ASIC2: variants seen among roughly 807,000 people sequenced by gnomAD.
ASIC2 encodes acid sensing ion channel subunit 2, also known as acid-sensing ion channel 2.
A neutral mutation model predicts 57.3 loss-of-function variants in ASIC2; 25 were observed. The ratio of observed to expected loss-of-function variants is 0.44; its 90% CI spans 0.32 to 0.61. The LOEUF is 0.61. Among genes scored for constraint, ASIC2 ranks in the 20% least tolerant of loss-of-function variants. ASIC2 has a pLI of 0.06. For missense variants in ASIC2, 641 were observed against 738.1 expected (o/e 0.87, Z 1.52); for synonymous variants, 319 against 307.5 (o/e 1.04, Z -0.39).
chr17:33,343,473 A>G (rs1597691191), intron 1 of ASIC2, among the ~76,000 whole-genome samples: 1 of 151,996 alleles, frequency 6.6e-6, no homozygotes, highest in Middle Eastern at 3.2e-3. Context: ...TGGCTTCCTC[A>G]CTTTATTACT....
At chr17:33,187,616 T>C (rs1432054891) in intron 1 of ASIC2, among the ~76,000 whole-genome samples, 1 of 152,130 alleles carries the variant, frequency 6.6e-6, no homozygotes, top group African/African-American at 2.4e-5. Flanking sequence ...CTGTCTCAAC[T>C]GTTTAAGTCT....
At chr17:33,888,082 T>G (rs1489512714) in intron 1 of ASIC2, among the ~76,000 whole-genome samples, 3 of 152,172 alleles carry the variant, frequency 2.0e-5, no homozygotes, top group African/African-American at 7.2e-5. Flanking sequence ...ATGCATTTTT[T>G]ACTTACAATA....
At chr17:34,079,147 T>C (rs1179250599) in intron 1 of ASIC2, 1 of 152,218 alleles carries the variant, frequency 6.6e-6, no homozygotes, top group Non-Finnish European at 1.5e-5. Context: ...TAAAATGCAA[T>C]TCTGATCATG....
At chr17:33,662,085 A>C (rs1907286298) in intron 1 of ASIC2, among the ~76,000 whole-genome samples, 1 of 152,166 alleles carries the variant, frequency 6.6e-6, no homozygotes, top group African/African-American at 2.4e-5. Context: ...TTCTATGTAT[A>C]TCGTTTAATC....
At chr17:33,118,435 G>T (rs1056735413) in intron 1 of ASIC2, among the ~76,000 whole-genome samples, 2 of 152,198 alleles carry the variant, frequency 1.3e-5, no homozygotes, top group African/African-American at 4.8e-5. Flanking sequence ...AGGAGCCAGG[G>T]TGAAATCACT....
intron 1 of ASIC2, among the ~76,000 whole-genome samples, chr17:33,166,077 C>T (rs1175932987): frequency 6.6e-6 from 1 of 152,202 alleles, no homozygotes; most frequent in Non-Finnish European, 1.5e-5. Flanking sequence ...CTCATTCCAA[C>T]CTGGACTGAA....
At chr17:33,355,143 G>T (rs111863498) in intron 1 of ASIC2, among the ~76,000 whole-genome samples, 9 of 152,260 alleles carry the variant, frequency 5.9e-5, no homozygotes, top group African/African-American at 1.2e-4. Flanking sequence ...GACCAGCCTG[G>T]CTAACATGGT....
chr17:33,506,238 C>CAAAAAAAAAA (rs533194191), intron 1 of ASIC2, among the ~76,000 whole-genome samples: 2 of 114,092 alleles, frequency 1.8e-5, no homozygotes, highest in East Asian at 2.8e-4. Flanking sequence ...ACTAAAAATA[C>CAAAAAAAAAA]AAAAAAAAAA....
At chr17:33,027,479 C>A (rs1376752460) in intron 4 of ASIC2, among the ~76,000 whole-genome samples, 1 of 152,216 alleles carries the variant, frequency 6.6e-6, no homozygotes, top group Non-Finnish European at 1.5e-5. Flanking sequence ...TTCCCTCTTT[C>A]AATATGCTAA....
intron 1 of ASIC2, among the ~76,000 whole-genome samples, chr17:33,711,324 C>T (rs1414939705): frequency 6.6e-6 from 1 of 152,184 alleles, no homozygotes; most frequent in Non-Finnish European, 1.5e-5. Context: ...CAGTACTCAT[C>T]ATGGATACGT....
chr17:33,875,472 A>G (rs1220511155), intron 1 of ASIC2, among the ~76,000 whole-genome samples: 3 of 151,916 alleles, frequency 2.0e-5, no homozygotes, highest in Non-Finnish European at 2.9e-5. Context: ...GCTGAAAATG[A>G]AAACAGAAGG....
At chr17:33,742,581 G>C (rs1393465013) in intron 1 of ASIC2, among the ~76,000 whole-genome samples, 1 of 152,156 alleles carries the variant, frequency 6.6e-6, no homozygotes, top group African/African-American at 2.4e-5. Context: ...TGATGGGCAG[G>C]TAGACAAATG....
intron 1 of ASIC2, among the ~76,000 whole-genome samples, chr17:33,817,882 C>G (rs544738170): frequency 2.6e-4 from 40 of 152,160 alleles, no homozygotes; most frequent in Non-Finnish European, 4.0e-4. Flanking sequence ...TATCTGGCAG[C>G]CAAGGCCAGA....
chr17:33,108,927 C>T (rs1007381378), intron 2 of ASIC2, among the ~76,000 whole-genome samples: 2 of 148,582 alleles, frequency 1.3e-5, no homozygotes, highest in African/African-American at 5.0e-5. Context: ...ATGAAGTCAA[C>T]CAGAGTTGTC....
intron 6 of ASIC2, among the ~76,000 whole-genome samples, chr17:33,023,010 C>T (rs1182812249): frequency 6.6e-6 from 1 of 152,168 alleles, no homozygotes; most frequent in Admixed American, 6.5e-5. Context: ...CTGAAGCAAT[C>T]CTCCTGCCTT....
chr17:33,164,576 G>GCA (rs35380225), intron 1 of ASIC2, among the ~76,000 whole-genome samples: 41,901 of 149,612 alleles, frequency 0.28, 6,335 homozygotes, highest in Non-Finnish European at 0.36. Flanking sequence ...GCACATGCAC[G>GCA]CACACACACA....
chr17:33,035,683 G>A (rs974705001), intron 3 of ASIC2, among the ~76,000 whole-genome samples: 3 of 152,200 alleles, frequency 2.0e-5, no homozygotes, highest in African/African-American at 7.2e-5. Context: ...AATTTGGTGA[G>A]ACTTATATTG....
chr17:34,055,850 T>C (rs901308605), intron 1 of ASIC2, among the ~76,000 whole-genome samples: 1 of 152,226 alleles, frequency 6.6e-6, no homozygotes, highest in African/African-American at 2.4e-5. Context: ...CAATTATTGC[T>C]GTAGACATAT....
chr17:33,424,182 A>G (rs1186599463), intron 1 of ASIC2, among the ~76,000 whole-genome samples: 1 of 152,118 alleles, frequency 6.6e-6, no homozygotes, highest in Non-Finnish European at 1.5e-5. Context: ...CACTGCCCAC[A>G]CTGGCTTTCC....
Sources: allele counts gnomAD v4.1 joint callset (sites outside exome capture counted in the v4.1 genomes callset), GRCh38; gene constraint gnomAD v4.1.1; transcripts MANE v1.5; gene names NCBI Gene and HGNC (gene_info 2026-07-23, HGNC 2026-07-21).